The following RTN1 variants were observed in gnomAD, a reference collection of about 807,000 sequenced individuals.
The protein encoded by RTN1 is reticulon 1.
In RTN1, 25 loss-of-function variants were observed where a neutral mutation model predicts 65.5. The observed-to-expected ratio is 0.38, with a 90% CI of 0.28 to 0.53. RTN1 has a LOEUF of 0.53. RTN1 is among the 20% of genes least tolerant of loss of function. RTN1 has a pLI of 0.79. For missense variants in RTN1, 983 were observed against 1,025.4 expected, an observed-to-expected ratio of 0.96 and a Z score of 0.57; for synonymous variants, 471 against 447.6, an observed-to-expected ratio of 1.05 and a Z score of -0.66.
rs139491533 is a variant in RTN1, at chr14:59,846,742, G to T, written c.241+23648C>A. 1.1e-4 allele frequency among the ~76,000 whole-genome samples: 16 copies of T among 152,232 alleles called. No individual in the cohort carries two copies. The highest frequency in any genetic ancestry group is 3.6e-4 in the African/African-American group (15 of 41,526). Reference sequence around the variant, plus strand: ...TACTGGAGAAAATGGACTTTGTGTAGTCTGGCTCCAAGTGCCCCTTGGTTC... The same window carrying T: ...TACTGGAGAAAATGGACTTTGTGTATTCTGGCTCCAAGTGCCCCTTGGTTC... On this transcript the variant is annotated intron_variant, in intron 1 of 8. Coordinates refer to ENST00000267484, the MANE Select transcript of RTN1 (RefSeq NM_021136.3). This position sits in a 1 kb window ranked among gnomAD's most constrained non-coding sequence, Gnocchi z 4.8.
intron 1 of RTN1, among the ~76,000 whole-genome samples, chr14:59,775,648 A>G (rs535041021): frequency 7.2e-4 from 110 of 152,340 alleles, no homozygotes; most frequent in African/African-American, 2.4e-3. Flanking sequence ...TGAGAGTAAG[A>G]TCACATAGTA....
intron 1 of RTN1, among the ~76,000 whole-genome samples, chr14:59,864,960 G>T (rs1887772601): frequency 6.6e-6 from 1 of 151,978 alleles, no homozygotes; most frequent in Admixed American, 6.6e-5. Flanking sequence ...TTGAAATTTT[G>T]TGCAGTTTAT....
At chr14:59,785,842 T>C (rs1049522768) in intron 1 of RTN1, among the ~76,000 whole-genome samples, 16 of 152,204 alleles carry the variant, frequency 1.1e-4, no homozygotes, top group African/African-American at 3.9e-4. Context: ...TATGGTGTTA[T>C]TATTTGACTC....
intron 8 of RTN1, among the ~76,000 whole-genome samples, chr14:59,600,360 A>T (rs1047636132): frequency 2.6e-5 from 4 of 152,168 alleles, no homozygotes; most frequent in African/African-American, 7.2e-5. Context: ...ATCACCAAGA[A>T]CCCTGTGTGG....
intron 1 of RTN1, among the ~76,000 whole-genome samples, chr14:59,822,909 C>G (rs1204065030): frequency 2.0e-5 from 3 of 150,894 alleles, no homozygotes; most frequent in Non-Finnish European, 4.4e-5. Flanking sequence ...TTGAAAATTG[C>G]TTTACGGCCA....
chr14:59,783,276 C>T (rs1297000514), intron 1 of RTN1, among the ~76,000 whole-genome samples: 3 of 152,136 alleles, frequency 2.0e-5, no homozygotes, highest in African/African-American at 7.2e-5. Context: ...AGAATATAAA[C>T]ACCAAAATTT....
intron 3 of RTN1, among the ~76,000 whole-genome samples, chr14:59,620,319 T>C (rs549244170): frequency 6.6e-6 from 1 of 152,202 alleles, no homozygotes; most frequent in Non-Finnish European, 1.5e-5. Flanking sequence ...ACTAAGTAGA[T>C]TAAGGGCGGG....
In RTN1 at chr14:59,737,253, T is replaced by C. The variant is rs536082968; in HGVS notation, c.1015+8455A>G. On this transcript the variant is annotated intron_variant, in intron 2 of 8. Transcript: ENST00000267484. ...TTTGTTTGCAGATGACATGATCCTA[T>C]ATCTAGAAAATCCCATTTTCTCAGT... is the stretch of plus-strand genomic sequence containing the variant. Among the ~76,000 whole-genome samples the C allele has an allele frequency of 7.9e-5, 12 of 152,306 alleles. No individual in the cohort carries two copies. The South Asian group carries it at 2.3e-3, about 29-fold the overall frequency.
chr14:59,750,026 AT>A lies in RTN1; in HGVS notation c.242-3546del, dbSNP rs1394566005. On this transcript the variant is annotated intron_variant, in intron 1 of 8. Coordinates refer to ENST00000267484, the MANE Select transcript of RTN1 (RefSeq NM_021136.3). ...TATATACATATATATTATATATTAT[AT>A]TATATACATATATTATATATTATAT... 2.8e-3 allele frequency among the ~76,000 whole-genome samples: 226 copies of A among 80,976 alleles called. 5 individuals are homozygous for A. The highest frequency in any genetic ancestry group is 0.014 in the African/African-American group (221 of 15,762). The allele number at this position is 80,976 out of a possible 152,430, so 53.1% of individuals were successfully genotyped here.
chr14:59,777,228 T>C (rs1167133424), intron 1 of RTN1, among the ~76,000 whole-genome samples: 7 of 152,328 alleles, frequency 4.6e-5, no homozygotes, highest in African/African-American at 1.4e-4. Context: ...ATAGGCATGA[T>C]GATTCATCAT....
chr14:59,654,523 GAA>G (rs35560804), intron 3 of RTN1, among the ~76,000 whole-genome samples: 1 of 132,274 alleles, frequency 7.6e-6, no homozygotes, highest in Admixed American at 7.6e-5. Context: ...AAGTCATTAT[GAA>G]AAAAAAAAAA....
At chr14:59,759,362 C>T (rs989579033) in intron 1 of RTN1, among the ~76,000 whole-genome samples, 1 of 152,176 alleles carries the variant, frequency 6.6e-6, no homozygotes, top group Non-Finnish European at 1.5e-5. Flanking sequence ...CCCCCATTTA[C>T]AAGCTGTGTG....
intron 3 of RTN1, among the ~76,000 whole-genome samples, chr14:59,630,050 G>C (rs946391875): frequency 1.2e-4 from 18 of 152,134 alleles, no homozygotes; most frequent in African/African-American, 4.1e-4. Flanking sequence ...TCTGCCAGGA[G>C]ATTTCAACCT....
intron 3 of RTN1, among the ~76,000 whole-genome samples, chr14:59,614,706 A>G (rs1882054754): frequency 6.6e-6 from 1 of 152,170 alleles, no homozygotes; most frequent in African/African-American, 2.4e-5. Flanking sequence ...CAGATTATAG[A>G]TAAGGCCTGG....
intron 3 of RTN1, among the ~76,000 whole-genome samples, chr14:59,725,519 C>G (rs1884738792): frequency 6.6e-6 from 1 of 152,134 alleles, no homozygotes; most frequent in African/African-American, 2.4e-5. Context: ...GCAAAAAAAC[C>G]CAAAATGGTT....
At chr14:59,757,829 T>G (rs1957997) in intron 1 of RTN1, among the ~76,000 whole-genome samples, 70,185 of 151,892 alleles carry the variant, frequency 0.46, 18,075 homozygotes, top group African/African-American at 0.7. Flanking sequence ...TGTTACAGCA[T>G]CCCAAACTGA....
intron 1 of RTN1, among the ~76,000 whole-genome samples, chr14:59,864,947 C>T (rs1887772494): frequency 6.6e-6 from 1 of 151,988 alleles, no homozygotes; most frequent in African/African-American, 2.4e-5. Flanking sequence ...TATCAGCCAT[C>T]CTTTGAAATT....
chr14:59,749,360 ATATATATAT>A lies in RTN1; in HGVS notation c.242-2888_242-2880del, dbSNP rs1885339775. On this transcript the variant is annotated intron_variant, in intron 1 of 8. Coordinates refer to ENST00000267484, the MANE Select transcript of RTN1 (RefSeq NM_021136.3). ...TATCTATATATATCTATATATATCT[ATATATATAT>A]CTATATATCTATATCTATATATATC... Among the ~76,000 whole-genome samples, 2 of 26,886 alleles carry A rather than the reference ATATATATAT, an allele frequency of 7.4e-5. 1 individual carries two copies. Among genetic ancestry groups the A allele is most frequent in the Non-Finnish European group, 1.2e-4 (2 of 16,878 alleles). 17.6% of individuals were successfully genotyped at this position (26,886 alleles called of 152,430 possible).
chr14:59,694,816 C>G (rs1216132357), intron 3 of RTN1, among the ~76,000 whole-genome samples: 1 of 152,146 alleles, frequency 6.6e-6, no homozygotes, highest in Non-Finnish European at 1.5e-5. Context: ...CTTGTTTCCT[C>G]CCCAAACCCA....
Sources: allele counts gnomAD v4.1 joint callset (sites outside exome capture counted in the v4.1 genomes callset), GRCh38; gene constraint gnomAD v4.1.1; non-coding constraint Gnocchi (gnomAD v3.1); transcripts MANE v1.5; gene names NCBI Gene and HGNC (gene_info 2026-07-23, HGNC 2026-07-21).